DCLK2: variants seen among roughly 807,000 people sequenced by gnomAD.
The protein encoded by DCLK2 is serine/threonine-protein kinase DCLK2.
In DCLK2, 31 loss-of-function variants were observed where a neutral mutation model predicts 78.4. The observed-to-expected ratio is 0.40, with a 90% CI of 0.30 to 0.53. DCLK2 has a LOEUF of 0.53. Ranked by LOEUF, DCLK2 falls within the 20% of genes least tolerant of loss-of-function variation. DCLK2 has a pLI of 0.61. For missense variants in DCLK2, 872 were observed against 973.7 expected (o/e 0.90, Z 1.39); for synonymous variants, 407 against 374.9 (o/e 1.09, Z -0.99).
chr4:150,090,555 C>T (rs1729987061), intron 1 of DCLK2, among the ~76,000 whole-genome samples: 1 of 114,906 alleles, frequency 8.7e-6, no homozygotes, highest in Non-Finnish European at 2.1e-5. Flanking sequence ...TCTGCTGGTT[C>T]CATCCTACCC....
chr4:150,121,849 G>A (rs1278211817), intron 2 of DCLK2, among the ~76,000 whole-genome samples: 1 of 152,184 alleles, frequency 6.6e-6, no homozygotes, highest in Admixed American at 6.5e-5. Context: ...AAACAACATG[G>A]ATCTCTCTGT....
intron 2 of DCLK2, among the ~76,000 whole-genome samples, chr4:150,137,806 G>A (rs1430819289): frequency 2.6e-5 from 4 of 152,074 alleles, no homozygotes; most frequent in Non-Finnish European, 4.4e-5. Flanking sequence ...ATGAGCTTTG[G>A]AAAATTATTC....
At chr4:150,239,643 A>T (rs1268144889) in intron 10 of DCLK2, 99 bp from the exon 11 acceptor site, 3 of 1,413,392 alleles carry the variant, frequency 2.1e-6, no homozygotes, top group Non-Finnish European at 2.9e-6. Flanking sequence ...CGAGTTTAAT[A>T]GTAAATGTAT....
At chr4:150,155,162 C>T (rs1030782010) in intron 2 of DCLK2, among the ~76,000 whole-genome samples, 1 of 152,156 alleles carries the variant, frequency 6.6e-6, no homozygotes, top group Non-Finnish European at 1.5e-5. Context: ...AGCCCAGAGG[C>T]AAAGCTTGCA....
rs150474263 is a variant in DCLK2, at chr4:150,230,379, C to G, written c.1300-1958C>G. Among the ~76,000 whole-genome samples the G allele has an allele frequency of 2.0e-3, 298 of 152,216 alleles. 2 individuals are homozygous for G. The highest frequency in any genetic ancestry group is 6.5e-3 in the African/African-American group (270 of 41,524). ...CTTGGGGTACTGGTGAGGGGATTATCTTACAGATATCACTAAATTAGCAAC... is the reference window on the plus strand; with the variant it reads ...CTTGGGGTACTGGTGAGGGGATTATGTTACAGATATCACTAAATTAGCAAC... On this transcript the variant is annotated intron_variant, in intron 8 of 15. Coordinates refer to ENST00000296550, the MANE Select transcript of DCLK2 (RefSeq NM_001040260.4).
At chr4:150,197,042 C>T (rs1311576958) in intron 3 of DCLK2, among the ~76,000 whole-genome samples, 1 of 151,580 alleles carries the variant, frequency 6.6e-6, no homozygotes, top group Non-Finnish European at 1.5e-5. Flanking sequence ...GTAGTCCACT[C>T]AGGCCAGAGG....
chr4:150,253,657 G>T, intron 15 of DCLK2: 4 of 1,256,174 alleles, frequency 3.2e-6, no homozygotes, highest in Non-Finnish European at 3.1e-6. Context: ...GCTCTCAGCT[G>T]CTTACTGGTG....
intron 2 of DCLK2, among the ~76,000 whole-genome samples, chr4:150,120,998 G>C (rs1052011588): frequency 3.3e-5 from 5 of 152,210 alleles, no homozygotes; most frequent in South Asian, 2.1e-4. Context: ...TTATACCTGG[G>C]GGGCAGAGGT....
intron 2 of DCLK2, among the ~76,000 whole-genome samples, chr4:150,170,763 T>C (rs1025071052): frequency 2.6e-5 from 4 of 152,042 alleles, no homozygotes; most frequent in African/African-American, 9.7e-5. Context: ...GACCAGAATC[T>C]TGGTATTTAT....
At chr4:150,085,971 C>T (rs1325541026) in intron 1 of DCLK2, among the ~76,000 whole-genome samples, 1 of 152,180 alleles carries the variant, frequency 6.6e-6, no homozygotes, top group Non-Finnish European at 1.5e-5. Flanking sequence ...CTATCTGGCT[C>T]CATGTCTTTC....
intron 1 of DCLK2, among the ~76,000 whole-genome samples, chr4:150,085,732 C>T (rs1729589876): frequency 6.6e-6 from 1 of 152,184 alleles, no homozygotes; most frequent in Non-Finnish European, 1.5e-5. Context: ...AGTGAGAAGT[C>T]ACCATGAGTG....
At chr4:150,148,635 A>G (rs1734650969) in intron 2 of DCLK2, among the ~76,000 whole-genome samples, 1 of 152,108 alleles carries the variant, frequency 6.6e-6, no homozygotes, top group Non-Finnish European at 1.5e-5. Flanking sequence ...TTTGATGTAT[A>G]TCTAAAGCTT....
In DCLK2 at chr4:150,232,579, T is replaced by G. The variant is rs931706959; in HGVS notation, c.1420-103T>G. On this transcript the variant is annotated intron_variant, in intron 9 of 15. Coordinates refer to ENST00000296550, the MANE Select transcript of DCLK2 (RefSeq NM_001040260.4). The stretch of plus-strand genomic sequence containing the variant: ...CATTATTTATAATCGCCGATTTTAG[T>G]GGCACTTGTGTCATTCTCTGCTTTA... The G allele has an allele frequency of 1.6e-5, 25 of 1,520,756 alleles. No individual in the cohort carries two copies. The African/African-American group carries it at 3.3e-4, about 20-fold the overall frequency. 94.2% of individuals were successfully genotyped at this position (1,520,756 alleles called of 1,614,324 possible).
intron 2 of DCLK2, among the ~76,000 whole-genome samples, chr4:150,116,801 G>C (rs949366101): frequency 6.6e-6 from 1 of 152,204 alleles, no homozygotes; most frequent in African/African-American, 2.4e-5. Context: ...TGAAGGCCAT[G>C]GTGATAGGTG....
rs369386480 is a variant in DCLK2 at position 150,220,660 on chromosome 4, T to C, written c.1057-43T>C. 2.0e-6 allele frequency: 3 copies of C among 1,527,650 alleles called. No individual in the cohort carries two copies. In the African/African-American group the frequency reaches 4.1e-5, roughly 21 times the overall value. 94.6% of individuals were successfully genotyped at this position (1,527,650 alleles called of 1,614,324 possible). On this transcript the variant is annotated intron_variant, in intron 5 of 15. Transcript: ENST00000296550. ...GTCAACGGATTAGTTAGCTAGGGAT[T>C]TGTAAATTATCCTGATAAATAATGG...
At chr4:150,222,704 A>C (rs897048868) in intron 7 of DCLK2, among the ~76,000 whole-genome samples, 16 of 152,036 alleles carry the variant, frequency 1.1e-4, no homozygotes, top group Non-Finnish European at 1.5e-4. Flanking sequence ...CAAACAAAAA[A>C]AAAAACAAAA....
chr4:150,219,136 G>GGAGATTGCAGTGAGCC (rs1322402963), intron 5 of DCLK2, among the ~76,000 whole-genome samples: 3 of 152,004 alleles, frequency 2.0e-5, no homozygotes, highest in Non-Finnish European at 2.9e-5. Flanking sequence ...CCTGGGAGGT[G>GGAGATTGCAGTGAGCC]GAGATTGCAG....
intron 2 of DCLK2, among the ~76,000 whole-genome samples, chr4:150,125,709 G>A (rs1732875619): frequency 6.6e-6 from 1 of 152,098 alleles, no homozygotes; most frequent in Non-Finnish European, 1.5e-5. Context: ...GGCCAACGTG[G>A]TGAAACCCCA....
At chr4:150,219,258 CTTTTTTTTTTTTTTT>C (rs375592229) in intron 5 of DCLK2, among the ~76,000 whole-genome samples, 2 of 72,128 alleles carry the variant, frequency 2.8e-5, no homozygotes, top group Non-Finnish European at 2.7e-5. Context: ...CACAAACATT[CTTTTTTTTTTTTTTT>C]TTTTTTTTTT....
Sources: allele counts gnomAD v4.1 joint callset (sites outside exome capture counted in the v4.1 genomes callset), GRCh38; gene constraint gnomAD v4.1.1; transcripts MANE v1.5; gene names NCBI Gene and HGNC (gene_info 2026-07-23, HGNC 2026-07-21).